RUFY4: variants seen among roughly 807,000 people sequenced by gnomAD.
RUFY4 encodes the protein RUN and FYVE domain-containing protein 4.
In RUFY4, 73 loss-of-function variants were observed where a neutral mutation model predicts 69.0. The observed-to-expected ratio is 1.06, with a 90% CI of 0.88 to 1.29. The LOEUF (loss-of-function observed/expected upper bound fraction) is 1.29, where lower values mean the gene tolerates loss of function less well. Ranked by LOEUF, RUFY4 falls within the 50% of genes most tolerant of loss-of-function variation. The pLI is 0.00. For missense variants in RUFY4, 770 were observed against 705.6 expected, an observed-to-expected ratio of 1.09 and a Z score of -1.03; for synonymous variants, 287 against 271.8, an observed-to-expected ratio of 1.06 and a Z score of -0.55.
At chr2:218,090,447 T>C in exon 11 of RUFY4, 2 of 234,656 alleles carry the variant, frequency 8.5e-6, no homozygotes, top group South Asian at 1.3e-4. Flanking sequence ...TCACGAGAAG[T>C]GAAGCCTGCA....
At position 218,072,785 on chromosome 2, in the gene RUFY4, AC is replaced by A. The variant is rs769364509; in HGVS notation, c.290del (p.Pro97LeufsTer27). The A allele has an allele frequency of 1.5e-5, 23 of 1,524,712 alleles. No individual in the cohort carries two copies. In the South Asian group the frequency reaches 2.8e-4, roughly 19 times the overall value. The allele number at this position is 1,524,712 out of a possible 1,614,324, so 94.4% of individuals were successfully genotyped here. On this transcript the variant is annotated frameshift_variant, in exon 4 of 11. Coordinates refer to ENST00000344321, the Ensembl canonical transcript of RUFY4. LOFTEE classifies it high-confidence loss of function. ...GCCCCTGTGCACTCTGCAGTTGAAG[AC>A]CCCTCTGGGGAAAGGCCGTGCCTTC...
At chr2:218,066,629 G>A (rs772390341), upstream of RUFY4, among the ~76,000 whole-genome samples, 7 of 152,208 alleles carry the variant, frequency 4.6e-5, no homozygotes, top group Non-Finnish European at 1.0e-4. Flanking sequence ...AGACAGTACA[G>A]GTCTCATATA....
intron 2 of RUFY4, among the ~76,000 whole-genome samples, chr2:218,043,755 G>A (rs989605005): frequency 2.0e-5 from 3 of 152,212 alleles, no homozygotes; most frequent in Non-Finnish European, 4.4e-5. Flanking sequence ...AGACTTTGAA[G>A]GTGGGGCTTC....
rs147492245 is a variant in RUFY4, at chr2:218,086,747, T to C, written c.1503-2505T>C. Among the ~76,000 whole-genome samples the C allele has an allele frequency of 6.1e-4, 92 of 151,904 alleles. 1 individual carries two copies. The East Asian group carries it at 0.015, about 24-fold the overall frequency. ...TGGAATTCAGGGGAAAAAAAATAGCTCTAGCCTAGGAGAGAAGAAAAGGGA... is the reference window on the plus strand; with the variant it reads ...TGGAATTCAGGGGAAAAAAAATAGCCCTAGCCTAGGAGAGAAGAAAAGGGA... On this transcript the variant is annotated intron_variant, in intron 9 of 10. Transcript: ENST00000344321.
Position 218,075,655 on chromosome 2 carries a change from TG to T in RUFY4, c.1165del (p.Glu389ArgfsTer9), listed in dbSNP as rs768254010. The T allele has an allele frequency of 6.6e-7, 1 of 1,504,892 alleles. No homozygotes were observed. The highest frequency in any genetic ancestry group is 8.9e-7 in the Non-Finnish European group (1 of 1,129,156). 93.2% of individuals were successfully genotyped at this position (1,504,892 alleles called of 1,614,324 possible). ...CACGCAACAAAGGAAGACTCTACCG[TG>T]GAGAATCCACAAGTGCAAACAGAAG... is the stretch of plus-strand genomic sequence containing the variant. On this transcript the variant is annotated frameshift_variant, in exon 7 of 11. Transcript: ENST00000344321. LOFTEE classifies it high-confidence loss of function.
At chr2:218,065,480 G>C, upstream of RUFY4, 1 of 152,610 alleles carries the variant, frequency 6.6e-6, no homozygotes, top group Middle Eastern at 3.4e-3. Context: ...TAACCTTGCC[G>C]GGCCTGCCAG....
At chr2:218,056,481 T>A (rs909600283) in intron 2 of RUFY4, among the ~76,000 whole-genome samples, 13 of 152,128 alleles carry the variant, frequency 8.5e-5, no homozygotes, top group Admixed American at 1.3e-4. Flanking sequence ...CTCTTGTACT[T>A]TCCCCTCAAT....
At chr2:218,076,330 G>A (rs1274637627) in intron 7 of RUFY4, 97 bp from the exon 10 acceptor site, 15 of 1,479,020 alleles carry the variant, frequency 1.0e-5, no homozygotes, top group South Asian at 1.4e-5. Flanking sequence ...CCAGGGCATG[G>A]CCTGGGGTCT....
intron 9 of RUFY4, among the ~76,000 whole-genome samples, chr2:218,083,519 G>A (rs2106070671): frequency 6.6e-6 from 1 of 152,184 alleles, no homozygotes; most frequent in Non-Finnish European, 1.5e-5. Flanking sequence ...GAAGGCCAAG[G>A]TGGGCGGATA....
At chr2:218,057,250 A>T (rs1236795749) in intron 2 of RUFY4, among the ~76,000 whole-genome samples, 3 of 152,212 alleles carry the variant, frequency 2.0e-5, no homozygotes, top group Non-Finnish European at 2.9e-5. Flanking sequence ...TGTTGCAAAG[A>T]CCACCCCAGT....
chr2:218,082,267 C>T, intron 8 of RUFY4, among the ~76,000 whole-genome samples: 1 of 152,332 alleles, frequency 6.6e-6, no homozygotes, highest in East Asian at 1.9e-4. Context: ...GGTAACATAA[C>T]TTTTTAAAAT....
Position 218,050,184 on chromosome 2 carries a change from T to C in RUFY4, c.-1157-8411T>C, listed in dbSNP as rs1054284007. 2.0e-5 allele frequency among the ~76,000 whole-genome samples: 3 copies of C among 152,330 alleles called. No homozygotes were observed. In the South Asian group the frequency reaches 6.2e-4, roughly 32 times the overall value. ...GCCCATAAAAATCCCAGACTCAGCC[T>C]CACAGATGGCTACCCCACTTTCAGT... On this transcript the variant is annotated intron_variant and NMD_transcript_variant, in intron 2 of 13. Transcript: ENST00000457754.
At chr2:218,057,478 T>A (rs1689088210) in intron 2 of RUFY4, among the ~76,000 whole-genome samples, 1 of 152,244 alleles carries the variant, frequency 6.6e-6, no homozygotes, top group African/African-American at 2.4e-5. Context: ...CTTGAAGAAC[T>A]TTCTGTGTCC....
intron 9 of RUFY4, among the ~76,000 whole-genome samples, chr2:218,085,179 G>A (rs80325161): frequency 6.6e-5 from 10 of 152,258 alleles, no homozygotes; most frequent in Non-Finnish European, 1.0e-4. Flanking sequence ...GGATCAAAAA[G>A]GGAAAGACAG....
chr2:218,051,842 AAACAAC>A (rs893687661), intron 2 of RUFY4, among the ~76,000 whole-genome samples: 3 of 152,188 alleles, frequency 2.0e-5, no homozygotes, highest in African/African-American at 7.2e-5. Flanking sequence ...TGCTTTTAGT[AAACAAC>A]AACAACAACA....
At chr2:218,057,857 A>G (rs1181093961) in intron 2 of RUFY4, among the ~76,000 whole-genome samples, 1 of 152,226 alleles carries the variant, frequency 6.6e-6, no homozygotes, top group Non-Finnish European at 1.5e-5. Flanking sequence ...TACTGCATTC[A>G]CAGTATTCCA....
chr2:218,045,890 C>T (rs1333351861), intron 2 of RUFY4, among the ~76,000 whole-genome samples: 3 of 151,990 alleles, frequency 2.0e-5, no homozygotes, highest in African/African-American at 4.8e-5. Flanking sequence ...CTGCAAGCTC[C>T]GCCTCCGGGG....
chr2:218,057,382 C>T (rs1174624341), intron 2 of RUFY4, among the ~76,000 whole-genome samples: 3 of 152,106 alleles, frequency 2.0e-5, no homozygotes, highest in Non-Finnish European at 4.4e-5. Context: ...CTTTATAAAT[C>T]TACATATATT....
chr2:218,051,446 C>G (rs755963466), intron 2 of RUFY4, among the ~76,000 whole-genome samples: 6 of 151,252 alleles, frequency 4.0e-5, no homozygotes, highest in Non-Finnish European at 5.9e-5. Flanking sequence ...ATATTTAATT[C>G]TGTATACAAA....
Sources: gnomAD v4.1 joint callset for allele counts (sites outside exome capture counted in the v4.1 genomes callset) on GRCh38, gnomAD v4.1.1 for gene constraint, MANE v1.5 for transcripts, NCBI Gene and HGNC (gene_info 2026-07-23, HGNC 2026-07-21) for gene names.